ELF2: variants seen among roughly 807,000 people sequenced by gnomAD.
The protein encoded by ELF2 is ETS-related transcription factor Elf-2.
A neutral mutation model predicts 54.8 loss-of-function variants in ELF2; 11 were observed. That is an observed-to-expected ratio of 0.20 (90% CI 0.13 to 0.33). The LOEUF (loss-of-function observed/expected upper bound fraction) is 0.33. Ranked by LOEUF, ELF2 falls within the 10% of genes least tolerant of loss-of-function variation. The pLI is 1.00. For synonymous variants in ELF2, 203 were observed against 245.1 expected (o/e 0.83, Z 1.61); for missense variants, 513 against 703.0 (o/e 0.73, Z 3.06).
At chr4:139,156,198 C>T (rs72933567) in intron 1 of ELF2, among the ~76,000 whole-genome samples, 2,993 of 151,458 alleles carry the variant, frequency 0.02, 39 homozygotes, top group East Asian at 0.04. Context: ...CGTCGGGGGA[C>T]GGAGTCTCGC....
At chr4:139,069,317 C>G (rs1370062608) in intron 6 of ELF2, among the ~76,000 whole-genome samples, 16 of 152,152 alleles carry the variant, frequency 1.1e-4, no homozygotes, top group Admixed American at 1.0e-3. Flanking sequence ...TCAAAATGCA[C>G]AGATATACTT....
chr4:139,108,931 T>TTAAGAGTAACTC (rs1381929696), intron 4 of ELF2, among the ~76,000 whole-genome samples: 1 of 152,154 alleles, frequency 6.6e-6, no homozygotes, highest in Non-Finnish European at 1.5e-5. Flanking sequence ...TCTAGAACTG[T>TTAAGAGTAACTC]TAAGAGTAAC....
chr4:139,163,204 T>C (rs1205125691), intron 1 of ELF2, among the ~76,000 whole-genome samples: 6 of 152,226 alleles, frequency 3.9e-5, no homozygotes, highest in African/African-American at 1.4e-4. Context: ...CTAACTAATG[T>C]ATATAATTCT....
intron 4 of ELF2, among the ~76,000 whole-genome samples, chr4:139,091,760 A>G (rs1190362072): frequency 6.6e-6 from 1 of 152,164 alleles, no homozygotes; most frequent in African/African-American, 2.4e-5. Flanking sequence ...GACTACAGGC[A>G]TGAGCCACTG....
chr4:139,134,765 T>G (rs1002339647), intron 3 of ELF2, among the ~76,000 whole-genome samples: 1 of 151,578 alleles, frequency 6.6e-6, no homozygotes. Flanking sequence ...AGGCTGGTCT[T>G]GAACTCCTGT....
At chr4:139,138,724 T>C (rs1416134138) in intron 2 of ELF2, among the ~76,000 whole-genome samples, 1 of 152,250 alleles carries the variant, frequency 6.6e-6, no homozygotes, top group Non-Finnish European at 1.5e-5. Flanking sequence ...GAGATTTATT[T>C]GAATTGCTTA....
chr4:139,166,810 G>A (rs1741773792), intron 1 of ELF2, among the ~76,000 whole-genome samples: 1 of 152,216 alleles, frequency 6.6e-6, no homozygotes, highest in Non-Finnish European at 1.5e-5. Flanking sequence ...AGAGCTTGCA[G>A]TGAGCCGAGA....
chr4:139,085,620 C>G (rs1486096359), intron 4 of ELF2, among the ~76,000 whole-genome samples: 1 of 152,202 alleles, frequency 6.6e-6, no homozygotes, highest in Non-Finnish European at 1.5e-5. Context: ...TACCCTACCC[C>G]TATCACCATG....
At chr4:139,084,702 A>G (rs1299677146) in intron 4 of ELF2, among the ~76,000 whole-genome samples, 1 of 152,164 alleles carries the variant, frequency 6.6e-6, no homozygotes, top group African/African-American at 2.4e-5. Flanking sequence ...CATTAATCAT[A>G]TTTTCTTCCT....
intron 4 of ELF2, among the ~76,000 whole-genome samples, chr4:139,086,174 A>C (rs1252280482): frequency 1.3e-5 from 2 of 151,690 alleles, no homozygotes; most frequent in Non-Finnish European, 1.5e-5. Context: ...GAAAAATGGA[A>C]GAAAAAAGTT....
intron 1 of ELF2, among the ~76,000 whole-genome samples, chr4:139,146,092 G>C (rs1739195874): frequency 6.6e-6 from 1 of 152,168 alleles, no homozygotes; most frequent in South Asian, 2.1e-4. Context: ...AACTATCGCT[G>C]TTTGCTGATG....
chr4:139,114,636 TTC>T (rs1735388723), intron 4 of ELF2, among the ~76,000 whole-genome samples: 1 of 65,614 alleles, frequency 1.5e-5, no homozygotes, highest in South Asian at 5.6e-4. Context: ...GATTTTTTTT[TTC>T]TTTCTTTTTT....
At chr4:139,066,992 G>C (rs1728801823) in intron 7 of ELF2, 1 of 152,120 alleles carries the variant, frequency 6.6e-6, no homozygotes, top group Non-Finnish European at 1.5e-5. Flanking sequence ...TTATGTATCA[G>C]GCTAGTTGCA....
intron 3 of ELF2, among the ~76,000 whole-genome samples, chr4:139,125,828 TAG>T (rs1364673720): frequency 6.7e-6 from 1 of 150,110 alleles, no homozygotes; most frequent in African/African-American, 2.4e-5. Context: ...CTGTACAGTG[TAG>T]AGAATCTACA....
intron 1 of ELF2, among the ~76,000 whole-genome samples, chr4:139,158,493 C>A (rs969672094): frequency 6.6e-6 from 1 of 152,008 alleles, no homozygotes; most frequent in Non-Finnish European, 1.5e-5. Flanking sequence ...CTCAGGGCTG[C>A]TTCAAGCGGG....
chr4:139,168,383 A>G (rs146273635), intron 1 of ELF2, among the ~76,000 whole-genome samples: 105 of 152,316 alleles, frequency 6.9e-4, no homozygotes, highest in African/African-American at 2.5e-3. Context: ...AACTTTGTAC[A>G]TGTTATTTGT....
rs34465260 is a variant in ELF2, at chr4:139,150,518, CAAAAAAA to C, written c.-251-11028_-251-11022del. Among the ~76,000 whole-genome samples the C allele has an allele frequency of 9.4e-4, 72 of 76,900 alleles. 2 individuals are homozygous for C. Among genetic ancestry groups the C allele is most frequent in the African/African-American group, 3.5e-3 (70 of 20,150 alleles). The allele number at this position is 76,900 out of a possible 152,430, so 50.4% of individuals were successfully genotyped here. Reference sequence around the variant, plus strand: ...TGGGTGACAGAGTGAGACCCTGTCTCAAAAAAAAAAAAAAAAAAAATATGTGAATGAG... The same window carrying C: ...TGGGTGACAGAGTGAGACCCTGTCTCAAAAAAAAAAAAATATGTGAATGAG... On this transcript the variant is annotated intron_variant, in intron 1 of 9. Transcript: ENST00000686138.
chr4:139,084,274 C>G (rs976420925), intron 4 of ELF2: 220 of 1,603,292 alleles, frequency 1.4e-4, no homozygotes, highest in Non-Finnish European at 1.8e-4. Context: ...AACCCGCGGC[C>G]GGAGACACAC....
At chr4:139,080,645 A>G (rs1199489024) in intron 4 of ELF2, among the ~76,000 whole-genome samples, 1 of 152,170 alleles carries the variant, frequency 6.6e-6, no homozygotes, top group Non-Finnish European at 1.5e-5. Flanking sequence ...AAGTCAAGAA[A>G]GGTATACTTG....
Sources: gnomAD v4.1 joint callset for allele counts (sites outside exome capture counted in the v4.1 genomes callset) on GRCh38, gnomAD v4.1.1 for gene constraint, MANE v1.5 for transcripts, NCBI Gene and HGNC (gene_info 2026-07-23, HGNC 2026-07-21) for gene names.